Variants in ENTREP2 observed in about 807,000 individuals in gnomAD.
The protein encoded by ENTREP2 is endosomal transmembrane epsin interactor 2.
chr15:29,442,483 T>C, the ENTREP2 span, among the ~76,000 whole-genome samples: 2 of 152,200 alleles, frequency 1.3e-5, no homozygotes, highest in African/African-American at 2.4e-5. Context: ...TTATTTTTCA[T>C]ATCAAAGAGG....
the ENTREP2 span, among the ~76,000 whole-genome samples, chr15:29,581,170 G>C: frequency 3.3e-5 from 5 of 152,066 alleles, no homozygotes; most frequent in Non-Finnish European, 7.4e-5. Context: ...GTAAGTGTGG[G>C]ATCTAAACAA....
chr15:29,178,721 G>A, the ENTREP2 span, among the ~76,000 whole-genome samples: 1 of 152,044 alleles, frequency 6.6e-6, no homozygotes, highest in Non-Finnish European at 1.5e-5. Context: ...CAGTTCTTGA[G>A]TTCCAAGGAT....
At chr15:29,475,735 T>C in the ENTREP2 span, among the ~76,000 whole-genome samples, 8 of 152,176 alleles carry the variant, frequency 5.3e-5, no homozygotes, top group African/African-American at 1.9e-4. Context: ...GAGAGGGGTA[T>C]GGGTCCTGAG....
chr15:29,388,722 C>G, the ENTREP2 span, among the ~76,000 whole-genome samples: 1 of 152,090 alleles, frequency 6.6e-6, no homozygotes, highest in Non-Finnish European at 1.5e-5. Flanking sequence ...CCCAAATGTC[C>G]ATCAATGATA....
the ENTREP2 span, among the ~76,000 whole-genome samples, chr15:29,425,943 T>C: frequency 6.6e-6 from 1 of 151,264 alleles, no homozygotes; most frequent in Non-Finnish European, 1.5e-5. Context: ...CTGCAGTATT[T>C]ATACCAATGC....
chr15:29,277,347 A>G, the ENTREP2 span, among the ~76,000 whole-genome samples: 1 of 147,572 alleles, frequency 6.8e-6, no homozygotes, highest in Admixed American at 6.8e-5. Context: ...GTCTCAAAGA[A>G]AAAAAAAAAA....
At chr15:29,234,798 A>G in the ENTREP2 span, 1 of 1,470,336 alleles carries the variant, frequency 6.8e-7, no homozygotes, top group Non-Finnish European at 9.5e-7. Flanking sequence ...TCTCCAGAGC[A>G]GGATACAATC....
the ENTREP2 span, among the ~76,000 whole-genome samples, chr15:29,440,046 A>C: frequency 6.6e-6 from 1 of 152,198 alleles, no homozygotes; most frequent in East Asian, 1.9e-4. Context: ...TCTACAAAAT[A>C]CCTGATCCAT....
chr15:29,334,290 C>G, the ENTREP2 span, among the ~76,000 whole-genome samples: 1 of 152,154 alleles, frequency 6.6e-6, no homozygotes, highest in African/African-American at 2.4e-5. Flanking sequence ...GTCCCTGTGC[C>G]TGACTCATGG....
the ENTREP2 span, among the ~76,000 whole-genome samples, chr15:29,597,565 T>C: frequency 8.5e-6 from 1 of 117,294 alleles, no homozygotes; most frequent in Non-Finnish European, 2.0e-5. Context: ...CGAAACTCTG[T>C]CTCAAAAAAA....
the ENTREP2 span, among the ~76,000 whole-genome samples, chr15:29,159,140 T>C: frequency 9.1e-3 from 1,389 of 152,124 alleles, 19 homozygotes; most frequent in African/African-American, 0.031. Context: ...CTCTTAAAGG[T>C]GGCGTGTCTG....
chr15:29,564,471 A>T, the ENTREP2 span, among the ~76,000 whole-genome samples: 1 of 152,124 alleles, frequency 6.6e-6, no homozygotes, highest in Non-Finnish European at 1.5e-5. Context: ...ATTTCTGCTC[A>T]AGGTGAGGTG....
chr15:29,464,722 C>A, the ENTREP2 span, among the ~76,000 whole-genome samples: 2,081 of 152,152 alleles, frequency 0.014, 53 homozygotes, highest in African/African-American at 0.048. Flanking sequence ...TGTGGAGGGG[C>A]CCCCTGGGCA....
the ENTREP2 span, among the ~76,000 whole-genome samples, chr15:29,378,193 T>C: frequency 1.4e-5 from 2 of 142,174 alleles, no homozygotes; most frequent in African/African-American, 5.8e-5. Flanking sequence ...AAAAAACTCT[T>C]TTGAACTTTA....
chr15:29,621,168 T>A, the ENTREP2 span, among the ~76,000 whole-genome samples: 2 of 151,736 alleles, frequency 1.3e-5, no homozygotes, highest in East Asian at 3.9e-4. Context: ...GGCAGGCGGA[T>A]CACAAGGTCA....
At chr15:29,423,832 C>G in the ENTREP2 span, among the ~76,000 whole-genome samples, 3 of 152,044 alleles carry the variant, frequency 2.0e-5, no homozygotes, top group African/African-American at 7.2e-5. Context: ...GGACTCCGTT[C>G]ACAGTACACA....
the ENTREP2 span, among the ~76,000 whole-genome samples, chr15:29,283,285 G>C: frequency 6.6e-6 from 1 of 152,218 alleles, no homozygotes; most frequent in Non-Finnish European, 1.5e-5. Context: ...ATAAGGAGAA[G>C]AGACAGTGTA....
At chr15:29,272,412 C>T in the ENTREP2 span, among the ~76,000 whole-genome samples, 1 of 152,180 alleles carries the variant, frequency 6.6e-6, no homozygotes, top group African/African-American at 2.4e-5. Flanking sequence ...CTGCAGTCAA[C>T]CACAGTCCGA....
chr15:29,444,876 C>T, the ENTREP2 span, among the ~76,000 whole-genome samples: 6 of 152,164 alleles, frequency 3.9e-5, no homozygotes, highest in African/African-American at 1.2e-4. Flanking sequence ...AGGCGGTCCA[C>T]GGCCACTCAG....
Sources: allele counts gnomAD v4.1 joint callset (sites outside exome capture counted in the v4.1 genomes callset), GRCh38; gene constraint gnomAD v4.1.1; transcripts MANE v1.5; gene names NCBI Gene and HGNC (gene_info 2026-07-23, HGNC 2026-07-21).